CR2: variants seen among roughly 807,000 people sequenced by gnomAD.
The protein encoded by CR2 is complement receptor type 2.
CR2 carries 96 observed loss-of-function variants against 123.0 expected under a neutral mutation model. The observed-to-expected ratio is 0.78, with a 90% CI of 0.66 to 0.93. The LOEUF (loss-of-function observed/expected upper bound fraction) is 0.93. Ranked by LOEUF, CR2 falls within the 40% of genes least tolerant of loss-of-function variation. The pLI, the probability that CR2 is intolerant of heterozygous loss-of-function variation, is 0.00. For synonymous variants in CR2, 484 were observed against 469.5 expected (o/e 1.03, Z -0.40); for missense variants, 1,258 against 1,361.0 (o/e 0.92, Z 1.19).
intron 2 of CR2, chr1:207,468,223 C>T (rs1292208897): frequency 1.9e-5 from 8 of 423,508 alleles, no homozygotes; most frequent in Non-Finnish European, 3.5e-5. Context: ...AATCCATATC[C>T]TAAGTCAGCA....
chr1:207,475,362 A>G (rs1453939596), intron 14 of CR2, 146 bp downstream of exon 14: 11 of 828,994 alleles, frequency 1.3e-5, no homozygotes, highest in Non-Finnish European at 1.8e-5. Context: ...GCCTTTTCCT[A>G]TCTTCTCACT....
At position 207,475,111 on chromosome 1, in the gene CR2, G is replaced by T. The variant is rs144572703; in HGVS notation, c.2611G>T (p.Val871Leu). The change falls in exon 14 of 20, where the codon GTG becomes TTG. Residue 871 changes from valine to leucine, a missense_variant. Transcript: ENST00000367057. ...THSAYSHNDIVYVDCNPGFIM... is the reference protein window; with the variant it reads ...THSAYSHNDILYVDCNPGFIM... The stretch of plus-strand genomic sequence containing the variant: ...TTCTGCATATTCCCACAATGACATA[G>T]TGTATGTTGACTGCAATCCTGGCTT... The T allele has an allele frequency of 4.9e-3, 7,950 of 1,612,780 alleles. 32 individuals carry two copies. Among genetic ancestry groups the T allele is most frequent in the South Asian group, 6.9e-3 (627 of 90,820 alleles).
chr1:207,458,817 C>T (rs778034427), intron 1 of CR2, among the ~76,000 whole-genome samples: 21 of 152,158 alleles, frequency 1.4e-4, no homozygotes, highest in Non-Finnish European at 2.6e-4. Context: ...TATCTATTTA[C>T]AGTCTGTCTC....
At chr1:207,467,430 T>A (rs1406094677) in intron 2 of CR2, among the ~76,000 whole-genome samples, 2 of 152,190 alleles carry the variant, frequency 1.3e-5, no homozygotes, top group East Asian at 3.9e-4. Context: ...ACATTTCAAA[T>A]AAATGCCTTT....
intron 8 of CR2, 151 bp downstream of exon 8, chr1:207,471,238 T>C (rs983686928): frequency 1.9e-5 from 18 of 927,908 alleles, no homozygotes; most frequent in Middle Eastern, 2.2e-4. Flanking sequence ...TGGAAGTGTC[T>C]ATCATACTAT....
At chr1:207,459,769 TTG>T (rs2102295989) in intron 1 of CR2, among the ~76,000 whole-genome samples, 1 of 152,278 alleles carries the variant, frequency 6.6e-6, no homozygotes, top group Non-Finnish European at 1.5e-5. Context: ...TCAAGAAAAT[TTG>T]TATTACTTGA....
chr1:207,470,699 T>C, intron 6 of CR2, 41 bp from the exon 7 acceptor site: 2 of 1,595,404 alleles, frequency 1.3e-6, no homozygotes, highest in Non-Finnish European at 1.7e-6. Context: ...CTGTGGTTGT[T>C]TACTTAAGCA....
chr1:207,473,310 A>C, intron 10 of CR2, 131 bp downstream of exon 10: 3 of 1,180,928 alleles, frequency 2.5e-6, no homozygotes, highest in Non-Finnish European at 3.6e-6. Flanking sequence ...TCCATCCTAT[A>C]ATAGATGTTC....
intron 15 of CR2, among the ~76,000 whole-genome samples, 181 bp downstream of exon 15, chr1:207,476,600 C>G (rs1343931787): frequency 6.6e-6 from 1 of 152,114 alleles, no homozygotes; most frequent in African/African-American, 2.4e-5. Context: ...ATGTCTCAGG[C>G]TGTAGTCTAT....
At chr1:207,465,833 A>G (rs994094572) in intron 1 of CR2, among the ~76,000 whole-genome samples, 2 of 152,208 alleles carry the variant, frequency 1.3e-5, no homozygotes, top group East Asian at 3.8e-4. Flanking sequence ...ACCTCTGTTC[A>G]CTTCCTGTGG....
chr1:207,483,577 C>T (rs1658666861), intron 18 of CR2, among the ~76,000 whole-genome samples: 1 of 151,484 alleles, frequency 6.6e-6, no homozygotes, highest in Non-Finnish European at 1.5e-5. Flanking sequence ...TGTGGAGAAT[C>T]ACAAGGACCA....
chr1:207,489,394 T>C lies in CR2; in HGVS notation c.*271T>C, dbSNP rs771936885. ...AAGCCAGGCCATGGCTATAAACAAT[T>C]ACATGGCTCTAAAAAGTTTTGCCCT... On this transcript the variant is annotated 3_prime_UTR_variant, in exon 20 of 20. Transcript: ENST00000367057. 3.3e-5 allele frequency: 5 copies of C among 152,218 alleles called. No individual in the cohort carries two copies. Among genetic ancestry groups the C allele is most frequent in the Non-Finnish European group, 5.9e-5 (4 of 68,034 alleles). 9.4% of individuals were successfully genotyped at this position (152,218 alleles called of 1,614,324 possible).
intron 1 of CR2, among the ~76,000 whole-genome samples, chr1:207,465,907 C>T (rs1658086382): frequency 6.6e-6 from 1 of 152,240 alleles, no homozygotes; most frequent in Admixed American, 6.5e-5. Context: ...CTAGCATCTT[C>T]AGCAGCAGGA....
At chr1:207,467,261 C>T (rs899371465) in intron 2 of CR2, among the ~76,000 whole-genome samples, 3 of 151,774 alleles carry the variant, frequency 2.0e-5, no homozygotes, top group African/African-American at 4.8e-5. Flanking sequence ...ATGAGAAGAA[C>T]GGTGGGATCT....
At chr1:207,475,712 G>A (rs138375247) in intron 14 of CR2, among the ~76,000 whole-genome samples, 87 of 152,268 alleles carry the variant, frequency 5.7e-4, no homozygotes, top group Non-Finnish European at 9.4e-4. Flanking sequence ...GTTTGGCAAC[G>A]GTTGTCTTTG....
At chr1:207,456,403 C>G (rs1657836635) in intron 1 of CR2, among the ~76,000 whole-genome samples, 1 of 152,206 alleles carries the variant, frequency 6.6e-6, no homozygotes, top group Non-Finnish European at 1.5e-5. Flanking sequence ...TCCACCTCCC[C>G]CTCCAGAGGT....
rs1246103572 is a variant in CR2, at chr1:207,470,075, G to A, written c.1198G>A (p.Glu400Lys). 1.2e-6 allele frequency: 2 copies of A among 1,613,816 alleles called. No homozygotes were observed. The highest frequency in any genetic ancestry group is 2.2e-5 in the East Asian group (1 of 44,888). The change falls in exon 6 of 20, where the codon GAG becomes AAG. Residue 400 changes from glutamate to lysine, a missense_variant. Coordinates refer to ENST00000367057, the MANE Select transcript of CR2 (RefSeq NM_001006658.3). ...CCGATGCAATGCCCAAGGCACATGG[G>A]AGCCATCTGCACCAGTCTGTGAAAA... ...QIRCNAQGTW[E>K]PSAPVCEKEC... is the part of the protein sequence containing the mutation.
intron 1 of CR2, among the ~76,000 whole-genome samples, chr1:207,461,683 G>T (rs1039015350): frequency 1.3e-5 from 2 of 152,100 alleles, no homozygotes; most frequent in Non-Finnish European, 2.9e-5. Context: ...TCTTAAGTTT[G>T]CTGTTGAGAT....
Position 207,454,402 on chromosome 1 carries a change from G to T in CR2, c.-17G>T. On this transcript the variant is annotated 5_prime_UTR_variant, in exon 1 of 20. Transcript: ENST00000367057. The surrounding 1 kb of genome is among the most constrained non-coding windows in gnomAD (Gnocchi z 4.3). ...GGGTCTCGGAACGCATCCCGCCGCG[G>T]GGGCTTCGGCCGTGGCATGGGCGCC... The T allele has an allele frequency of 6.4e-7, 1 of 1,573,708 alleles. No homozygotes were observed. The highest frequency in any genetic ancestry group is 8.6e-7 in the Non-Finnish European group (1 of 1,166,898).
Sources: gnomAD v4.1 joint callset for allele counts (sites outside exome capture counted in the v4.1 genomes callset) on GRCh38, gnomAD v4.1.1 for gene constraint, Gnocchi (gnomAD v3.1) non-coding constraint, MANE v1.5 for transcripts, NCBI Gene and HGNC (gene_info 2026-07-23, HGNC 2026-07-21) for gene names.